The following VIT variants were observed in gnomAD, a reference collection of about 807,000 sequenced individuals.
VIT encodes the protein vitrin.
In VIT, 99 loss-of-function variants were observed where a neutral mutation model predicts 78.0. The observed-to-expected ratio is 1.27, with a 90% CI of 1.08 to 1.50. The LOEUF is 1.50. Ranked by LOEUF, VIT falls within the 40% of genes most tolerant of loss-of-function variation. The pLI is 0.00. For missense variants in VIT, 1,126 were observed against 875.3 expected (o/e 1.29, Z -3.61); for synonymous variants, 374 against 334.3 (o/e 1.12, Z -1.29).
Position 36,808,357 on chromosome 2 carries a change from G to C in VIT, c.1390-115G>C, listed in dbSNP as rs1572581226. Reference sequence around the variant, plus strand: ...ATGGAAGAACACGGTAGGAGGGCTAGTGCAGAAAACAAGGGCCTGCTTGCT... The same window carrying C: ...ATGGAAGAACACGGTAGGAGGGCTACTGCAGAAAACAAGGGCCTGCTTGCT... On this transcript the variant is annotated intron_variant, in intron 14 of 15. Coordinates refer to ENST00000379242, the MANE Select transcript of VIT (RefSeq NM_053276.4). 1.3e-5 allele frequency: 18 copies of C among 1,372,246 alleles called. No homozygotes were observed. The East Asian group carries it at 4.5e-4, about 35-fold the overall frequency. The allele number at this position is 1,372,246 out of a possible 1,614,324, so 85.0% of individuals were successfully genotyped here. A position where few individuals can be genotyped will look rare whatever the true frequency, so the allele number is the denominator to read the frequency against.
chr2:36,798,140 T>G (rs1666042113), intron 12 of VIT, among the ~76,000 whole-genome samples: 1 of 152,232 alleles, frequency 6.6e-6, no homozygotes, highest in East Asian at 1.9e-4. Flanking sequence ...AATTAAATTA[T>G]GGATGCTTTG....
chr2:36,765,014 G>A (rs1415034266), intron 6 of VIT, among the ~76,000 whole-genome samples: 1 of 151,838 alleles, frequency 6.6e-6, no homozygotes, highest in Non-Finnish European at 1.5e-5. Flanking sequence ...GGGATGCTGT[G>A]GTAGGCTGAA....
intron 1 of VIT, among the ~76,000 whole-genome samples, chr2:36,699,837 T>C (rs1310565067): frequency 6.7e-6 from 1 of 148,898 alleles, no homozygotes; most frequent in Non-Finnish European, 1.5e-5. Context: ...AAAATGGACC[T>C]TCCTGTGCTA....
At chr2:36,732,349 G>A (rs553769401) in intron 3 of VIT, among the ~76,000 whole-genome samples, 77 of 152,228 alleles carry the variant, frequency 5.1e-4, no homozygotes, top group African/African-American at 1.2e-3. Context: ...GTGATGCAGC[G>A]CATTGGAATC....
chr2:36,758,800 C>A (rs897609171), intron 5 of VIT, among the ~76,000 whole-genome samples, 169 bp from the exon 6 acceptor site: 1 of 152,114 alleles, frequency 6.6e-6, no homozygotes, highest in Non-Finnish European at 1.5e-5. Context: ...TACAGGAAAA[C>A]AAAATGCCAC....
At chr2:36,773,910 T>G in intron 8 of VIT, 63 bp downstream of exon 8, 1,152 of 1,489,988 alleles carry the variant, frequency 7.7e-4, no homozygotes, top group Non-Finnish European at 9.5e-4. Flanking sequence ...ATGCGGTTCC[T>G]CTCCACATCT....
At chr2:36,708,581 C>T (rs1325958960) in intron 1 of VIT, among the ~76,000 whole-genome samples, 1 of 152,162 alleles carries the variant, frequency 6.6e-6, no homozygotes, top group Non-Finnish European at 1.5e-5. Context: ...GCATGACATT[C>T]AAGGCTGACA....
At chr2:36,796,601 A>ATTAAATAC (rs1472789143) in intron 12 of VIT, among the ~76,000 whole-genome samples, 2 of 152,124 alleles carry the variant, frequency 1.3e-5, no homozygotes, top group Non-Finnish European at 2.9e-5. Flanking sequence ...GAGGTTCAAC[A>ATTAAATAC]TTAAATACTT....
chr2:36,734,154 T>C (rs1667369262), intron 3 of VIT, among the ~76,000 whole-genome samples: 1 of 152,152 alleles, frequency 6.6e-6, no homozygotes, highest in African/African-American at 2.4e-5. Context: ...GCTCTCCAGG[T>C]GATTTGAGGA....
At chr2:36,728,812 C>CAAAAAAAAAA (rs768222712) in intron 2 of VIT, among the ~76,000 whole-genome samples, 44 of 3,412 alleles carry the variant, frequency 0.013, 10 homozygotes, top group Non-Finnish European at 0.038. Context: ...GACTCCGTCT[C>CAAAAAAAAAA]AAAAAAAAAA....
intron 13 of VIT, among the ~76,000 whole-genome samples, chr2:36,802,269 A>C (rs974858711): frequency 1.3e-5 from 2 of 152,186 alleles, no homozygotes; most frequent in Non-Finnish European, 2.9e-5. Context: ...AGCCCATGCC[A>C]GTGTATTCAT....
At position 36,737,289 on chromosome 2, in the gene VIT, G is replaced by A. The variant is rs1667566355; in HGVS notation, c.119-5811G>A. Among the ~76,000 whole-genome samples, 3 of 152,206 alleles carry A rather than the reference G, an allele frequency of 2.0e-5. No homozygotes were observed. The South Asian group carries it at 6.2e-4, about 32-fold the overall frequency. On this transcript the variant is annotated intron_variant, in intron 3 of 15. Transcript: ENST00000379242. The stretch of plus-strand genomic sequence containing the variant: ...AAAGGCAAGGTTGGGTTTAAGCACT[G>A]AGGAGTCACGGAAATGCAGCTGGAA...
At chr2:36,810,650 C>G (rs929312384) in intron 15 of VIT, among the ~76,000 whole-genome samples, 2 of 110,340 alleles carry the variant, frequency 1.8e-5, no homozygotes, top group African/African-American at 7.4e-5. Context: ...TTTTTTTTTT[C>G]TGAGGCAGTG....
chr2:36,795,664 C>G (rs548937451), intron 12 of VIT, among the ~76,000 whole-genome samples: 1 of 152,268 alleles, frequency 6.6e-6, no homozygotes, highest in Non-Finnish European at 1.5e-5. Flanking sequence ...ATCCGCCTGC[C>G]TCGGCCTCCT....
At position 36,814,294 on chromosome 2, in the gene VIT, T is replaced by A. The variant is rs776953225; in HGVS notation, c.2015T>A (p.Leu672His). 3 of 1,614,188 alleles carry A rather than the reference T, an allele frequency of 1.9e-6. No homozygotes were observed. In the South Asian group the frequency reaches 3.3e-5, roughly 18 times the overall value. ...TTCTTTGTGGACGAGTTTGACAACC[T>A]CCATCAGTATGTCCCCAGGATCATC... The part of the protein sequence containing the change: ...HSFFVDEFDN[L>H]HQYVPRIIQN... Residue 672 changes from leucine to histidine, a missense_variant, in exon 16 of 16, where the codon CTC becomes CAC. Coordinates refer to ENST00000379242, the MANE Select transcript of VIT (RefSeq NM_053276.4).
At chr2:36,705,145 A>C (rs887406429) in intron 1 of VIT, among the ~76,000 whole-genome samples, 1 of 152,170 alleles carries the variant, frequency 6.6e-6, no homozygotes, top group African/African-American at 2.4e-5. Context: ...GCTTCATGAG[A>C]ATCTTTAAAC....
intron 14 of VIT, among the ~76,000 whole-genome samples, chr2:36,807,111 C>T (rs1054917781): frequency 2.0e-5 from 3 of 152,286 alleles, no homozygotes; most frequent in South Asian, 2.1e-4. Context: ...CCTCGCCTGA[C>T]GCCCCCTCCC....
chr2:36,813,135 C>T (rs1043995087), intron 15 of VIT, among the ~76,000 whole-genome samples: 2 of 150,882 alleles, frequency 1.3e-5, no homozygotes, highest in Admixed American at 1.3e-4. Context: ...CCACCGCACC[C>T]AGCCTGTTTT....
chr2:36,754,244 T>G (rs1253499272), intron 4 of VIT, among the ~76,000 whole-genome samples: 1 of 152,092 alleles, frequency 6.6e-6, no homozygotes, highest in Non-Finnish European at 1.5e-5. Context: ...CATCTCCCGG[T>G]GCCAGAAATT....
Sources: gnomAD v4.1 joint callset for allele counts (sites outside exome capture counted in the v4.1 genomes callset) on GRCh38, gnomAD v4.1.1 for gene constraint, MANE v1.5 for transcripts, NCBI Gene and HGNC (gene_info 2026-07-23, HGNC 2026-07-21) for gene names.